Variants in CDKAL1 observed in about 807,000 individuals in gnomAD.
The protein encoded by CDKAL1 is threonylcarbamoyladenosine tRNA methylthiotransferase.
CDKAL1 carries 32 observed loss-of-function variants against 68.2 expected under a neutral mutation model. The observed-to-expected ratio is 0.47, with a 90% CI of 0.35 to 0.63. The LOEUF (loss-of-function observed/expected upper bound fraction) is 0.63, where lower values mean the gene tolerates loss of function less well. Ranked by LOEUF, CDKAL1 falls within the 30% of genes least tolerant of loss-of-function variation. CDKAL1 has a pLI of 0.00. For missense variants in CDKAL1, 606 were observed against 696.7 expected (o/e 0.87, Z 1.47); for synonymous variants, 234 against 244.3 (o/e 0.96, Z 0.39).
intron 11 of CDKAL1, among the ~76,000 whole-genome samples, chr6:21,006,280 C>G (rs764703408): frequency 6.6e-6 from 1 of 151,156 alleles, no homozygotes; most frequent in Non-Finnish European, 1.5e-5. Context: ...GAATATTTAT[C>G]AGAAGAAAAG....
chr6:20,609,464 C>T (rs115632536), intron 4 of CDKAL1, among the ~76,000 whole-genome samples: 12,254 of 148,442 alleles, frequency 0.083, 579 homozygotes, highest in African/African-American at 0.086. Context: ...GGCACAGTCT[C>T]GACTCACTGC....
intron 8 of CDKAL1, among the ~76,000 whole-genome samples, chr6:20,793,742 A>C (rs1353998954): frequency 6.9e-6 from 1 of 144,820 alleles, no homozygotes; most frequent in Non-Finnish European, 1.5e-5. Flanking sequence ...AGAAAGAATA[A>C]TATAGACATT....
intron 8 of CDKAL1, among the ~76,000 whole-genome samples, chr6:20,827,075 T>C (rs1777532849): frequency 6.6e-6 from 1 of 152,100 alleles, no homozygotes; most frequent in South Asian, 2.1e-4. Flanking sequence ...TTTTATGTTA[T>C]TATTAAAGAG....
At chr6:20,896,082 T>C (rs1043021574) in intron 9 of CDKAL1, among the ~76,000 whole-genome samples, 19 of 143,754 alleles carry the variant, frequency 1.3e-4, no homozygotes, top group Non-Finnish European at 2.5e-4. Flanking sequence ...TTTTTTTCTT[T>C]TTTTTCTTTT....
intron 11 of CDKAL1, among the ~76,000 whole-genome samples, chr6:21,020,415 AGTTCACAG>A (rs1768580606): frequency 6.6e-6 from 1 of 152,160 alleles, no homozygotes; most frequent in African/African-American, 2.4e-5. Context: ...ACTCTGTTAG[AGTTCACAG>A]GTTCACAGGT....
chr6:20,947,341 A>G (rs920980392), intron 9 of CDKAL1, among the ~76,000 whole-genome samples: 1 of 152,224 alleles, frequency 6.6e-6, no homozygotes, highest in African/African-American at 2.4e-5. Context: ...CTGTAATCTC[A>G]GCATTTTGGG....
At chr6:20,987,563 C>T (rs1000355112) in intron 10 of CDKAL1, among the ~76,000 whole-genome samples, 2 of 152,076 alleles carry the variant, frequency 1.3e-5, no homozygotes, top group South Asian at 2.1e-4. Flanking sequence ...GGCTAGGAAA[C>T]GTTTTTATCT....
At chr6:20,606,761 T>C (rs1197307166) in intron 4 of CDKAL1, among the ~76,000 whole-genome samples, 7 of 152,216 alleles carry the variant, frequency 4.6e-5, no homozygotes, top group African/African-American at 9.6e-5. Context: ...CATGAGATGC[T>C]TCGTAAAATC....
intron 7 of CDKAL1, among the ~76,000 whole-genome samples, chr6:20,766,663 T>G (rs1393538402): frequency 6.6e-6 from 1 of 152,220 alleles, no homozygotes; most frequent in African/African-American, 2.4e-5. Flanking sequence ...CATTTAGACT[T>G]TTGTGAAACT....
chr6:20,803,502 G>T (rs1004573607), intron 8 of CDKAL1, among the ~76,000 whole-genome samples: 1 of 152,112 alleles, frequency 6.6e-6, no homozygotes, highest in African/African-American at 2.4e-5. Context: ...TATATTCTCA[G>T]AAGATGCAGA....
rs150658471 is a variant in CDKAL1 at position 20,743,352 on chromosome 6, T to G, written c.468+3737T>G. On this transcript the variant is annotated intron_variant, in intron 6 of 15. Transcript: ENST00000274695. The stretch of plus-strand genomic sequence containing the variant: ...GTGTCAATTCTGTTGACCAGGCGAT[T>G]AAAATAAAAAACTTCCATGAGGTGG... Among the ~76,000 whole-genome samples the G allele has an allele frequency of 2.0e-4, 30 of 152,306 alleles. No individual in the cohort carries two copies. The South Asian group carries it at 3.7e-3, about 19-fold the overall frequency.
rs145984856 is a variant in CDKAL1, at chr6:21,093,075, G to A, written c.1237-15326G>A. ...AGAAATTGGCAATGAATAATTCAAG[G>A]ACATTTTTAATGACTGAAGGTCATG... On this transcript the variant is annotated intron_variant, in intron 12 of 15. Transcript: ENST00000274695. Among the ~76,000 whole-genome samples the A allele has an allele frequency of 7.4e-3, 1,126 of 152,224 alleles. 14 individuals are homozygous for A. The highest frequency in any genetic ancestry group is 0.025 in the African/African-American group (1,030 of 41,550).
chr6:20,786,477 C>T (rs1052442055), intron 8 of CDKAL1, among the ~76,000 whole-genome samples: 2 of 148,998 alleles, frequency 1.3e-5, no homozygotes, highest in African/African-American at 5.0e-5. Flanking sequence ...TTGTGTGACT[C>T]CCTTATTTTT....
chr6:21,165,768 T>A (rs1172346824), intron 13 of CDKAL1, among the ~76,000 whole-genome samples: 3 of 152,240 alleles, frequency 2.0e-5, no homozygotes, highest in African/African-American at 7.2e-5. Flanking sequence ...GAGTCTGTAC[T>A]CTGCGATGAC....
chr6:20,546,713 C>G (rs778183149), intron 3 of CDKAL1, among the ~76,000 whole-genome samples, 190 bp downstream of exon 3: 1 of 152,072 alleles, frequency 6.6e-6, no homozygotes, highest in African/African-American at 2.4e-5. Context: ...ACCACCATAC[C>G]TGGCTATTTT....
chr6:20,762,886 A>C (rs1774531932), intron 7 of CDKAL1, among the ~76,000 whole-genome samples: 1 of 152,128 alleles, frequency 6.6e-6, no homozygotes, highest in Admixed American at 6.6e-5. Context: ...CCTCTTACCC[A>C]CCAAGTTAAT....
At chr6:20,791,450 C>G (rs1336704364) in intron 8 of CDKAL1, among the ~76,000 whole-genome samples, 1 of 152,168 alleles carries the variant, frequency 6.6e-6, no homozygotes, top group African/African-American at 2.4e-5. Context: ...TAAACCATAA[C>G]GTCAGTGGCC....
intron 13 of CDKAL1, among the ~76,000 whole-genome samples, chr6:21,147,188 G>T (rs769988535): frequency 6.6e-6 from 1 of 151,854 alleles, no homozygotes; most frequent in African/African-American, 2.4e-5. Flanking sequence ...AATACATAAG[G>T]TCATTTTTTT....
At chr6:20,839,287 A>G (rs1337831939) in intron 8 of CDKAL1, among the ~76,000 whole-genome samples, 1 of 152,226 alleles carries the variant, frequency 6.6e-6, no homozygotes, top group Non-Finnish European at 1.5e-5. Flanking sequence ...TTATGAAGCT[A>G]CATTTGTGAG....
Sources: gnomAD v4.1 joint callset for allele counts (sites outside exome capture counted in the v4.1 genomes callset) on GRCh38, gnomAD v4.1.1 for gene constraint, MANE v1.5 for transcripts, NCBI Gene and HGNC (gene_info 2026-07-23, HGNC 2026-07-21) for gene names.